TTC34: variants seen among roughly 807,000 people sequenced by gnomAD.
The protein encoded by TTC34 is tetratricopeptide repeat domain 34.
Under a neutral mutation model 40.7 loss-of-function variants are expected in TTC34, and 44 were observed. The ratio of observed to expected loss-of-function variants is 1.08; its 90% CI spans 0.85 to 1.39. The LOEUF is 1.39. Ranked by LOEUF, TTC34 falls within the 40% of genes most tolerant of loss-of-function variation. TTC34 has a pLI of 0.00. For missense variants in TTC34, 884 were observed against 838.0 expected (o/e 1.05, Z -0.68); for synonymous variants, 422 against 398.6 (o/e 1.06, Z -0.70).
At chr1:2,789,564 G>A in exon 3 of TTC34, 1 of 1,487,158 alleles carries the variant, frequency 6.7e-7, no homozygotes, top group Non-Finnish European at 8.9e-7. Context: ...GCTCTGGACG[G>A]CCCGGCGCGT....
Position 2,641,827 on chromosome 1 carries a change from C to A in TTC34, c.2781G>T (p.Ser927=), listed in dbSNP as rs192580494. 7 of 1,531,480 alleles carry A rather than the reference C, an allele frequency of 4.6e-6. No individual in the cohort carries two copies. In the South Asian group the frequency reaches 6.0e-5, roughly 13 times the overall value. The allele number at this position is 1,531,480 out of a possible 1,614,324, so 94.9% of individuals were successfully genotyped here. ...TGCTGCCACTGGCCAGGACAGACAG[C>A]GAACAGTAGCCCAGCGCCTGCCTGG... Residue 927 remains serine (S), a synonymous_variant, in exon 9 of 9, where the codon TCG becomes TCT. Transcript: ENST00000401095.
At chr1:2,765,793 C>T (rs1641773030) in intron 6 of TTC34, among the ~76,000 whole-genome samples, 1 of 22,114 alleles carries the variant, frequency 4.5e-5, no homozygotes, top group Non-Finnish European at 7.0e-5. Flanking sequence ...GCAGCGCCCA[C>T]ACCCCCGGGC....
intron 6 of TTC34, among the ~76,000 whole-genome samples, chr1:2,684,830 C>A (rs1233628309): frequency 2.3e-5 from 2 of 85,222 alleles, no homozygotes; most frequent in East Asian, 4.4e-4. Context: ...TGCAGCAGCA[C>A]CCCACACCCA....
chr1:2,691,724 G>C (rs866098665), intron 6 of TTC34, among the ~76,000 whole-genome samples: 1 of 97,090 alleles, frequency 1.0e-5, no homozygotes, highest in African/African-American at 3.4e-5. Context: ...GCATTGGACA[G>C]CCTGGAGCAG....
intron 6 of TTC34, among the ~76,000 whole-genome samples, chr1:2,752,201 A>C (rs1443902247): frequency 3.8e-3 from 304 of 80,032 alleles, no homozygotes; most frequent in Middle Eastern, 0.035. Context: ...CCTGGAACAG[A>C]ACCCACACCC....
intron 6 of TTC34, among the ~76,000 whole-genome samples, chr1:2,759,369 T>C (rs1220938945): frequency 0.043 from 256 of 5,898 alleles, no homozygotes; most frequent in Middle Eastern, 0.2. Context: ...CCCAGGTGAG[T>C]ATCCGACAGC....
chr1:2,641,295 C>T (rs985161611), exon 9 of TTC34: 4 of 1,434,136 alleles, frequency 2.8e-6, no homozygotes, highest in Middle Eastern at 1.9e-4. Flanking sequence ...GCTGGGTACA[C>T]CCCTGGGCCT....
intron 6 of TTC34, among the ~76,000 whole-genome samples, chr1:2,687,717 G>C (rs549944029): frequency 4.0e-5 from 6 of 151,390 alleles, no homozygotes; most frequent in Admixed American, 3.3e-4. Flanking sequence ...GCCGGGAACA[G>C]CACCCACACC....
chr1:2,781,171 C>T lies in TTC34; in HGVS notation c.2226+2438G>A, dbSNP rs114731978. On this transcript the variant is annotated intron_variant, in intron 6 of 8. Coordinates refer to ENST00000401095, the Ensembl canonical transcript of TTC34. ...ATCAGTTCTTGGGATGTGCAACCCT[C>T]GTACACAGAGGGCCAACTTTTCATA... is the stretch of plus-strand genomic sequence containing the variant. Among the ~76,000 whole-genome samples the T allele has an allele frequency of 7.1e-3, 1,080 of 152,204 alleles. 12 individuals carry two copies. Among genetic ancestry groups the T allele is most frequent in the African/African-American group, 0.024 (1,007 of 41,510 alleles).
At chr1:2,687,525 C>T (rs556524710) in intron 6 of TTC34, among the ~76,000 whole-genome samples, 6 of 146,674 alleles carry the variant, frequency 4.1e-5, no homozygotes, top group South Asian at 2.1e-4. Flanking sequence ...AGCACCCACA[C>T]CCCCAGGTGA....
chr1:2,755,762 CA>C (rs1641483464), intron 6 of TTC34, among the ~76,000 whole-genome samples: 1 of 132,348 alleles, frequency 7.6e-6, no homozygotes, highest in Admixed American at 7.8e-5. Flanking sequence ...GAGCATCTGA[CA>C]GCCTGGAACG....
intron 6 of TTC34, among the ~76,000 whole-genome samples, chr1:2,656,083 C>G (rs1181653755): frequency 6.6e-6 from 1 of 152,028 alleles, no homozygotes. Flanking sequence ...TGGTCTGGAG[C>G]AGCACCCACA....
chr1:2,772,633 G>C (rs571307831), intron 6 of TTC34, among the ~76,000 whole-genome samples: 9 of 524 alleles, frequency 0.017, no homozygotes, highest in South Asian at 0.1. Context: ...ATCGGACATC[G>C]TGGAACAGCA....
intron 6 of TTC34, among the ~76,000 whole-genome samples, chr1:2,748,795 C>T (rs1569683973): frequency 6.7e-6 from 1 of 148,158 alleles, no homozygotes; most frequent in African/African-American, 2.6e-5. Context: ...GGAGCGGAAC[C>T]CACACCCACA....
At chr1:2,784,067 C>T (rs1238783674) in intron 5 of TTC34, among the ~76,000 whole-genome samples, 1 of 152,106 alleles carries the variant, frequency 6.6e-6, no homozygotes, top group Non-Finnish European at 1.5e-5. Flanking sequence ...GGTAGCACTA[C>T]CATCAAGACG....
intron 6 of TTC34, among the ~76,000 whole-genome samples, chr1:2,693,386 C>G (rs1403707147): frequency 1.5e-5 from 1 of 68,530 alleles, no homozygotes; most frequent in Admixed American, 1.6e-4. Context: ...GCACCCACAC[C>G]CACAGGCGAG....
intron 6 of TTC34, among the ~76,000 whole-genome samples, chr1:2,700,185 TCCGACAGC>T: frequency 2.4e-5 from 2 of 84,860 alleles, no homozygotes; most frequent in Non-Finnish European, 2.7e-5. Flanking sequence ...CAGGTGAGCA[TCCGACAGC>T]CTGGAGCAGC....
At chr1:2,644,359 C>G in exon 8 of TTC34, 1 of 1,535,946 alleles carries the variant, frequency 6.5e-7, no homozygotes, top group East Asian at 2.4e-5. Flanking sequence ...AGGTCCCTTG[C>G]AGCCCCTGGC....
chr1:2,753,335 C>A (rs1641390268), intron 6 of TTC34, among the ~76,000 whole-genome samples: 3 of 123,120 alleles, frequency 2.4e-5, no homozygotes, highest in African/African-American at 1.1e-4. Flanking sequence ...ATCACCCACA[C>A]CCCCAGACGA....
Sources: allele counts gnomAD v4.1 joint callset (sites outside exome capture counted in the v4.1 genomes callset), GRCh38; gene constraint gnomAD v4.1.1; transcripts MANE v1.5; gene names NCBI Gene and HGNC (gene_info 2026-07-23, HGNC 2026-07-21).